ADGRA1: variants seen among roughly 807,000 people sequenced by gnomAD.
ADGRA1 encodes adhesion G protein-coupled receptor A1.
ADGRA1 carries 12 observed loss-of-function variants against 21.3 expected under a neutral mutation model. That is an observed-to-expected ratio of 0.56 (90% CI 0.36 to 0.91). The LOEUF is 0.91. ADGRA1 is among the 40% of genes least tolerant of loss of function. The pLI is 0.01. For missense variants in ADGRA1, 790 were observed against 805.6 expected (o/e 0.98, Z 0.23); for synonymous variants, 385 against 368.8 (o/e 1.04, Z -0.50).
intron 5 of ADGRA1, among the ~76,000 whole-genome samples, chr10:133,123,598 G>A (rs539072417): frequency 3.9e-4 from 60 of 152,304 alleles, no homozygotes; most frequent in Non-Finnish European, 6.8e-4. Context: ...CTGTGGCCAC[G>A]GTGAAAGCTC....
At chr10:133,096,838 C>A (rs1312667520) in intron 2 of ADGRA1, 136 bp from the exon 3 acceptor site, 2 of 1,098,810 alleles carry the variant, frequency 1.8e-6, no homozygotes. Flanking sequence ...AGGCAGCCCC[C>A]CTTCCCTGAG....
chr10:133,088,333 T>C (rs534047608), intron 1 of ADGRA1, 195 bp downstream of exon 1: 1 of 161,578 alleles, frequency 6.2e-6, no homozygotes, highest in East Asian at 2.1e-4. Flanking sequence ...TCGAGCCACA[T>C]CCAGGCAGAG....
At chr10:133,093,141 G>A (rs770125749) in intron 2 of ADGRA1, 12 of 1,596,154 alleles carry the variant, frequency 7.5e-6, no homozygotes, top group Non-Finnish European at 1.0e-5. Flanking sequence ...TCCTCAGCCA[G>A]TCGGAGCTGC....
At chr10:133,113,358 C>T (rs1423598966) in intron 5 of ADGRA1, among the ~76,000 whole-genome samples, 4 of 152,362 alleles carry the variant, frequency 2.6e-5, no homozygotes, top group East Asian at 1.9e-4. Context: ...TGCCTGCTCC[C>T]GCCTTCACCT....
At position 133,098,771 on chromosome 10, in the gene ADGRA1, C is replaced by T; in HGVS notation, c.255+8C>T. ...CCCATCCTGTGCCAGGCGGTGAGTGCCGGGGCGCCCTCGTTGGCTCCTCCC... is the reference window on the plus strand; with the variant it reads ...CCCATCCTGTGCCAGGCGGTGAGTGTCGGGGCGCCCTCGTTGGCTCCTCCC... On this transcript the variant is annotated splice_region_variant and intron_variant, in intron 4 of 6. Transcript: ENST00000392607. 6.2e-7 allele frequency: 1 copy of T among 1,608,208 alleles called. No individual in the cohort carries two copies. Among genetic ancestry groups the T allele is most frequent in the Non-Finnish European group, 8.5e-7 (1 of 1,179,126 alleles).
At chr10:133,111,909 G>GACCA (rs1852027310) in intron 5 of ADGRA1, among the ~76,000 whole-genome samples, 1 of 12,334 alleles carries the variant, frequency 8.1e-5, no homozygotes, top group Non-Finnish European at 1.6e-4. Context: ...CCCTCCTAAT[G>GACCA]CCTCCAGACC....
At chr10:133,110,316 C>T (rs974494553) in intron 5 of ADGRA1, among the ~76,000 whole-genome samples, 7 of 152,280 alleles carry the variant, frequency 4.6e-5, no homozygotes, top group Admixed American at 1.3e-4. Context: ...CTGCCAGCTC[C>T]GCTGGCCACA....
At chr10:133,096,703 A>G (rs1265820711) in intron 2 of ADGRA1, among the ~76,000 whole-genome samples, 1 of 152,240 alleles carries the variant, frequency 6.6e-6, no homozygotes, top group African/African-American at 2.4e-5. Flanking sequence ...CCTCAGAGCC[A>G]CACAAGGATG....
At chr10:133,114,111 G>A (rs965511829) in intron 5 of ADGRA1, among the ~76,000 whole-genome samples, 37 of 152,320 alleles carry the variant, frequency 2.4e-4, no homozygotes, top group African/African-American at 7.7e-4. Flanking sequence ...GAGGTGCCAC[G>A]TGGTACAACC....
At chr10:133,109,445 A>AC (rs921813976) in intron 5 of ADGRA1, among the ~76,000 whole-genome samples, 4 of 149,872 alleles carry the variant, frequency 2.7e-5, no homozygotes, top group Non-Finnish European at 5.9e-5. Context: ...CACTCCCCAG[A>AC]CCCCCCATTG....
In ADGRA1 at chr10:133,131,626, C is replaced by T. The variant is rs1852528692; in HGVS notation, c.*2115C>T. 6.6e-6 allele frequency: 1 copy of T among 152,508 alleles called. No individual in the cohort carries two copies. Among genetic ancestry groups the T allele is most frequent in the Non-Finnish European group, 1.5e-5 (1 of 68,124 alleles). The allele number at this position is 152,508 out of a possible 1,614,324, so 9.4% of individuals were successfully genotyped here. A position where few individuals can be genotyped will look rare whatever the true frequency, so the allele number is the denominator to read the frequency against. On this transcript the variant is annotated 3_prime_UTR_variant, in exon 7 of 7. Coordinates refer to ENST00000392607, the MANE Select transcript of ADGRA1 (RefSeq NM_001083909.3). ...AGCAGAGAGGCGTCCCACCATTCAA[C>T]CAAAGAAAGTCAACATTGAACATTA... is the stretch of plus-strand genomic sequence containing the variant.
intron 5 of ADGRA1, among the ~76,000 whole-genome samples, chr10:133,119,232 G>A (rs1209526320): frequency 1.1e-4 from 16 of 146,498 alleles, no homozygotes; most frequent in African/African-American, 7.6e-5. Flanking sequence ...AGGTCTCCGC[G>A]GACCTTACAG....
intron 3 of ADGRA1, among the ~76,000 whole-genome samples, chr10:133,097,536 G>T (rs1042220519): frequency 6.6e-6 from 1 of 152,222 alleles, no homozygotes; most frequent in Non-Finnish European, 1.5e-5. Context: ...AGTCATGGGC[G>T]GGGGTTCGGC....
At chr10:133,118,772 A>T (rs1852201146) in intron 5 of ADGRA1, among the ~76,000 whole-genome samples, 1 of 152,234 alleles carries the variant, frequency 6.6e-6, no homozygotes, top group Admixed American at 6.5e-5. Flanking sequence ...AAACCATATC[A>T]TGTGCACTGG....
chr10:133,123,520 C>T (rs1160362504), intron 5 of ADGRA1, among the ~76,000 whole-genome samples: 3 of 152,236 alleles, frequency 2.0e-5, no homozygotes, highest in Non-Finnish European at 4.4e-5. Context: ...CAGCAGCACG[C>T]CCGTCCTGTA....
intron 5 of ADGRA1, among the ~76,000 whole-genome samples, chr10:133,112,038 T>A (rs201373038): frequency 0.013 from 1,252 of 96,544 alleles, 355 homozygotes; most frequent in South Asian, 0.044. Context: ...TCCTAATGCC[T>A]CCAGACCACC....
chr10:133,120,960 A>C (rs1252871187), intron 5 of ADGRA1, among the ~76,000 whole-genome samples: 1 of 152,184 alleles, frequency 6.6e-6, no homozygotes, highest in East Asian at 1.9e-4. Context: ...CTTAGAGGCC[A>C]TTGTAGGGTT....
At chr10:133,125,279 G>A (rs1852356767) in intron 5 of ADGRA1, among the ~76,000 whole-genome samples, 1 of 152,082 alleles carries the variant, frequency 6.6e-6, no homozygotes, top group Non-Finnish European at 1.5e-5. Flanking sequence ...ATTTTGATCT[G>A]GTTGGATTTA....
At chr10:133,126,882 G>A (rs1325608172) in intron 5 of ADGRA1, among the ~76,000 whole-genome samples, 1 of 152,150 alleles carries the variant, frequency 6.6e-6, no homozygotes, top group East Asian at 1.9e-4. Context: ...GGGACGCACA[G>A]CTCCCTGTGT....
Sources: gnomAD v4.1 joint callset for allele counts (sites outside exome capture counted in the v4.1 genomes callset) on GRCh38, gnomAD v4.1.1 for gene constraint, MANE v1.5 for transcripts, NCBI Gene and HGNC (gene_info 2026-07-23, HGNC 2026-07-21) for gene names.